Variants in AGBL4 observed in about 807,000 individuals in gnomAD.
The protein encoded by AGBL4 is cytosolic carboxypeptidase 6.
A neutral mutation model predicts 66.4 loss-of-function variants in AGBL4; 58 were observed. The ratio of observed to expected loss-of-function variants is 0.87; its 90% CI spans 0.71 to 1.09. The LOEUF is 1.09. AGBL4 is among the 50% of genes least tolerant of loss of function. The probability of loss-of-function intolerance (pLI) is 0.00; values close to 1 mark genes in which losing one functional copy is unlikely to be tolerated. For synonymous variants in AGBL4, 234 were observed against 222.9 expected (o/e 1.05, Z -0.44); for missense variants, 579 against 631.0 (o/e 0.92, Z 0.88).
chr1:49,897,799 AC>A (rs1240276659), intron 1 of AGBL4, among the ~76,000 whole-genome samples: 1 of 152,088 alleles, frequency 6.6e-6, no homozygotes, highest in Non-Finnish European at 1.5e-5. Context: ...AGAATAGACA[AC>A]CCAGAAATAA....
At chr1:49,002,341 C>T (rs985703971) in intron 5 of AGBL4, among the ~76,000 whole-genome samples, 1 of 152,116 alleles carries the variant, frequency 6.6e-6, no homozygotes, top group Non-Finnish European at 1.5e-5. Flanking sequence ...CTTTCTGTAG[C>T]CTTGCTCACT....
At chr1:48,524,014 T>C in the AGBL4 span, among the ~76,000 whole-genome samples, 110 of 152,374 alleles carry the variant, frequency 7.2e-4, no homozygotes, top group African/African-American at 2.6e-3. Flanking sequence ...TATAATCTTA[T>C]GGGACCACTG....
At chr1:49,889,122 C>T (rs1470582076) in intron 1 of AGBL4, among the ~76,000 whole-genome samples, 3 of 152,168 alleles carry the variant, frequency 2.0e-5, no homozygotes, top group African/African-American at 4.8e-5. Context: ...ATCGGAAAGA[C>T]CTCGTGTAGT....
intron 4 of AGBL4, among the ~76,000 whole-genome samples, chr1:49,083,566 G>A (rs992935641): frequency 5.3e-5 from 8 of 152,288 alleles, no homozygotes; most frequent in African/African-American, 1.7e-4. Flanking sequence ...AGATAAGAGC[G>A]GGGGGCCCTG....
intron 6 of AGBL4, among the ~76,000 whole-genome samples, chr1:48,817,118 G>C (rs938714814): frequency 6.6e-6 from 1 of 152,128 alleles, no homozygotes; most frequent in Non-Finnish European, 1.5e-5. Flanking sequence ...AAAATGAGGA[G>C]GGGTGTTTGC....
At chr1:49,356,801 C>A (rs1415281072) in intron 3 of AGBL4, among the ~76,000 whole-genome samples, 1 of 152,110 alleles carries the variant, frequency 6.6e-6, no homozygotes, top group Non-Finnish European at 1.5e-5. Context: ...GAGTCATTTC[C>A]ATTTAAACAA....
At chr1:50,010,019 G>C (rs1487849088) in intron 1 of AGBL4, among the ~76,000 whole-genome samples, 1 of 152,056 alleles carries the variant, frequency 6.6e-6, no homozygotes, top group African/African-American at 2.4e-5. Context: ...AAAATAAAAA[G>C]ATATTCGGCC....
At chr1:49,462,825 G>C (rs1051239031) in intron 3 of AGBL4, among the ~76,000 whole-genome samples, 1 of 151,716 alleles carries the variant, frequency 6.6e-6, no homozygotes, top group African/African-American at 2.4e-5. Context: ...TGCTTTTCAT[G>C]TCAAGGACAT....
At chr1:49,123,239 T>C (rs72895696) in intron 4 of AGBL4, among the ~76,000 whole-genome samples, 1,559 of 152,314 alleles carry the variant, frequency 0.01, 27 homozygotes, top group African/African-American at 0.027. Context: ...GAGGCTATTA[T>C]TACCTCTAAT....
At chr1:49,979,369 G>A (rs1658865891) in intron 1 of AGBL4, among the ~76,000 whole-genome samples, 1 of 151,554 alleles carries the variant, frequency 6.6e-6, no homozygotes. Flanking sequence ...GCTGAGGCAG[G>A]AGAATGGCGT....
intron 1 of AGBL4, among the ~76,000 whole-genome samples, chr1:49,893,356 T>G (rs1648846709): frequency 6.6e-6 from 1 of 152,072 alleles, no homozygotes; most frequent in Non-Finnish European, 1.5e-5. Flanking sequence ...AAAACTACCT[T>G]CATAACAACC....
intron 5 of AGBL4, among the ~76,000 whole-genome samples, chr1:48,941,247 A>G (rs1655948020): frequency 1.3e-5 from 2 of 152,192 alleles, no homozygotes; most frequent in South Asian, 4.1e-4. Flanking sequence ...ATGGATCACT[A>G]AATTCTGTAA....
At chr1:49,210,182 C>G (rs1216762123) in intron 4 of AGBL4, among the ~76,000 whole-genome samples, 2 of 152,016 alleles carry the variant, frequency 1.3e-5, no homozygotes, top group Non-Finnish European at 1.5e-5. Flanking sequence ...TTTCAGGCCC[C>G]ATTCTTAGCA....
At chr1:48,973,832 T>C (rs942182147) in intron 5 of AGBL4, among the ~76,000 whole-genome samples, 17 of 152,168 alleles carry the variant, frequency 1.1e-4, no homozygotes, top group South Asian at 2.1e-4. Context: ...TATAAAACAA[T>C]GTAGTCAAGC....
intron 3 of AGBL4, among the ~76,000 whole-genome samples, chr1:49,413,009 G>T (rs1367925419): frequency 3.3e-5 from 5 of 152,136 alleles, no homozygotes; most frequent in Non-Finnish European, 5.9e-5. Flanking sequence ...TGTGAAAGAA[G>T]CAATTCTAAT....
intron 1 of AGBL4, among the ~76,000 whole-genome samples, chr1:49,854,370 G>A (rs1455719138): frequency 6.6e-6 from 1 of 152,016 alleles, no homozygotes; most frequent in Non-Finnish European, 1.5e-5. Context: ...TCCAAAAGAA[G>A]TTCCCCACTG....
intron 4 of AGBL4, among the ~76,000 whole-genome samples, chr1:49,219,427 G>A (rs1261167338): frequency 1.3e-5 from 2 of 152,202 alleles, no homozygotes; most frequent in South Asian, 2.1e-4. Flanking sequence ...AAATATCTGA[G>A]TTTTGCCACA....
intron 2 of AGBL4, among the ~76,000 whole-genome samples, chr1:49,701,192 T>G (rs1412050952): frequency 6.6e-6 from 1 of 152,034 alleles, no homozygotes; most frequent in African/African-American, 2.4e-5. Context: ...CATGGGAGGC[T>G]TAGGCAGCAG....
chr1:48,754,824 T>A (rs1393894338), intron 6 of AGBL4, among the ~76,000 whole-genome samples: 3 of 151,910 alleles, frequency 2.0e-5, no homozygotes, highest in Non-Finnish European at 4.4e-5. Flanking sequence ...ACCCCCATGT[T>A]GGGAAAAATG....
Sources: gnomAD v4.1 joint callset for allele counts (sites outside exome capture counted in the v4.1 genomes callset) on GRCh38, gnomAD v4.1.1 for gene constraint, MANE v1.5 for transcripts, NCBI Gene and HGNC (gene_info 2026-07-23, HGNC 2026-07-21) for gene names.